Variants in TLK1 observed in about 807,000 individuals in gnomAD.
The protein encoded by TLK1 is serine/threonine-protein kinase tousled-like 1.
A neutral mutation model predicts 105.3 loss-of-function variants in TLK1; 24 were observed. The observed-to-expected ratio is 0.23, with a 90% CI of 0.17 to 0.32. TLK1 has a LOEUF of 0.32. TLK1 is among the 10% of genes least tolerant of loss of function. TLK1 has a pLI of 1.00. For missense variants in TLK1, 558 were observed against 910.5 expected (o/e 0.61, Z 4.98); for synonymous variants, 321 against 310.4 (o/e 1.03, Z -0.36).
rs898293015 is a variant in TLK1, at chr2:171,081,801, C to T, written c.330+980G>A. The T allele has an allele frequency of 5.2e-5, 40 of 771,084 alleles. 1 individual carries two copies. The South Asian group carries it at 5.7e-4, about 11-fold the overall frequency. 47.8% of individuals were successfully genotyped at this position (771,084 alleles called of 1,614,324 possible). A position where few individuals can be genotyped will look rare whatever the true frequency, so the allele number is the denominator to read the frequency against. On this transcript the variant is annotated intron_variant, in intron 3 of 20. Transcript: ENST00000431350. ...CACAGAACTGCACGAAACTGTCTAC[C>T]TAGAGATTTCTAGATGCTTTCAATA...
At chr2:171,039,818 G>A (rs951131584) in intron 11 of TLK1, among the ~76,000 whole-genome samples, 3 of 152,038 alleles carry the variant, frequency 2.0e-5, no homozygotes, top group African/African-American at 7.3e-5. Flanking sequence ...TATCCAAAGA[G>A]GGCAAAATAA....
chr2:171,217,013 T>A (rs1693725924), intron 1 of TLK1, among the ~76,000 whole-genome samples: 1 of 152,214 alleles, frequency 6.6e-6, no homozygotes, highest in African/African-American at 2.4e-5. Flanking sequence ...TAGCACTTTT[T>A]TACGGCAGCC....
chr2:171,136,247 C>A (rs922741495), intron 1 of TLK1, among the ~76,000 whole-genome samples: 3 of 152,146 alleles, frequency 2.0e-5, no homozygotes, highest in Non-Finnish European at 4.4e-5. Flanking sequence ...GATTCCAGTT[C>A]TGTGAGGTAT....
At chr2:171,079,765 T>C (rs1463389669) in intron 3 of TLK1, among the ~76,000 whole-genome samples, 9 of 152,094 alleles carry the variant, frequency 5.9e-5, no homozygotes, top group Non-Finnish European at 1.0e-4. Context: ...ACAATGACAA[T>C]TGGATGCTTT....
intron 1 of TLK1, among the ~76,000 whole-genome samples, chr2:171,204,564 A>G (rs1353314720): frequency 6.6e-6 from 1 of 152,192 alleles, no homozygotes; most frequent in Non-Finnish European, 1.5e-5. Flanking sequence ...TCCAAAAAAA[A>G]AAAAAAGGTA....
At position 171,055,064 on chromosome 2, in the gene TLK1, C is replaced by T; in HGVS notation, c.639+19G>A. On this transcript the variant is annotated intron_variant, in intron 7 of 20. Transcript: ENST00000431350. ...GTTTCTTAGAAGCCATAGAAAAAAACATTTTAATTATCATTTACCTGAATA... is the reference window on the plus strand; with the variant it reads ...GTTTCTTAGAAGCCATAGAAAAAAATATTTTAATTATCATTTACCTGAATA... The T allele has an allele frequency of 7.2e-7, 1 of 1,396,340 alleles. No homozygotes were observed. Among genetic ancestry groups the T allele is most frequent in the Non-Finnish European group, 9.5e-7 (1 of 1,055,736 alleles). 86.5% of individuals were successfully genotyped at this position (1,396,340 alleles called of 1,614,324 possible).
chr2:171,035,795 T>TG (rs763777441), intron 11 of TLK1, among the ~76,000 whole-genome samples: 22 of 152,268 alleles, frequency 1.4e-4, no homozygotes, highest in Non-Finnish European at 2.6e-4. Context: ...GACACTTGAC[T>TG]GGCCGCTGCT....
intron 1 of TLK1, among the ~76,000 whole-genome samples, chr2:171,225,390 C>T (rs1021009477): frequency 1.3e-5 from 2 of 152,140 alleles, no homozygotes; most frequent in African/African-American, 4.8e-5. Flanking sequence ...TGCCTAACAT[C>T]ATTAGTCATC....
intron 1 of TLK1, among the ~76,000 whole-genome samples, chr2:171,210,404 C>T (rs1693591819): frequency 6.6e-6 from 1 of 152,068 alleles, no homozygotes; most frequent in Non-Finnish European, 1.5e-5. Context: ...GCACATACCA[C>T]CACACCCAGC....
intron 2 of TLK1, among the ~76,000 whole-genome samples, chr2:171,105,174 C>T (rs906826574): frequency 5.3e-5 from 8 of 152,166 alleles, no homozygotes; most frequent in Non-Finnish European, 1.2e-4. Flanking sequence ...AACTAAAAAG[C>T]TTCTTCACAG....
At chr2:171,212,602 G>T (rs1558992897) in intron 1 of TLK1, among the ~76,000 whole-genome samples, 1 of 152,138 alleles carries the variant, frequency 6.6e-6, no homozygotes, top group Non-Finnish European at 1.5e-5. Flanking sequence ...AACTGGTTGT[G>T]TGACTTCGGA....
intron 12 of TLK1, among the ~76,000 whole-genome samples, chr2:171,023,509 A>C (rs761836665): frequency 2.0e-5 from 3 of 152,110 alleles, no homozygotes; most frequent in Non-Finnish European, 4.4e-5. Context: ...CACACTTTCT[A>C]AACACATTCT....
chr2:171,128,380 T>TA (rs1690956837), intron 1 of TLK1, among the ~76,000 whole-genome samples: 1 of 152,294 alleles, frequency 6.6e-6, no homozygotes, highest in South Asian at 2.1e-4. Flanking sequence ...TTAGCTTCCT[T>TA]ATATAGAAAA....
intron 18 of TLK1, among the ~76,000 whole-genome samples, chr2:171,003,273 CAAAAAAAAA>C (rs777049271): frequency 1.6e-4 from 11 of 68,508 alleles, no homozygotes; most frequent in African/African-American, 4.9e-4. Context: ...GACTCCGTCT[CAAAAAAAAA>C]AAAAAAAAAA....
At chr2:171,146,219 G>A (rs534659976) in intron 1 of TLK1, among the ~76,000 whole-genome samples, 1 of 152,228 alleles carries the variant, frequency 6.6e-6, no homozygotes, top group South Asian at 2.1e-4. Flanking sequence ...AGCTATTTAG[G>A]AGGCAGAGGT....
chr2:171,140,792 A>G (rs1036878734), intron 1 of TLK1, among the ~76,000 whole-genome samples: 4 of 152,236 alleles, frequency 2.6e-5, no homozygotes, highest in African/African-American at 9.6e-5. Context: ...TAACGCAAAT[A>G]AAATGCAAAT....
chr2:171,034,430 C>T lies in TLK1; in HGVS notation c.1170-6025G>A, dbSNP rs776908596. Among the ~76,000 whole-genome samples, 82 of 152,146 alleles carry T rather than the reference C, an allele frequency of 5.4e-4. 1 individual carries two copies. The highest frequency in any genetic ancestry group is 6.5e-4 in the Non-Finnish European group (44 of 68,004). On this transcript the variant is annotated intron_variant, in intron 11 of 20. Coordinates refer to ENST00000431350, the MANE Select transcript of TLK1 (RefSeq NM_012290.5). ...CCATAAAAAGAATGAAGTACTGATA[C>T]ATGCTACAACATGAATATATTTTGA... is the stretch of plus-strand genomic sequence containing the variant.
intron 1 of TLK1, among the ~76,000 whole-genome samples, chr2:171,180,678 A>G (rs573136257): frequency 2.6e-5 from 4 of 152,302 alleles, no homozygotes; most frequent in African/African-American, 7.2e-5. Flanking sequence ...TCAGTAGTCC[A>G]GGAGGTTTTT....
chr2:171,196,037 C>CAAAAA (rs71013021), intron 1 of TLK1, among the ~76,000 whole-genome samples: 4,246 of 111,820 alleles, frequency 0.038, 175 homozygotes, highest in African/African-American at 0.092. Context: ...GACTCTGTAT[C>CAAAAA]AAAAAAAAAA....
Sources: allele counts gnomAD v4.1 joint callset (sites outside exome capture counted in the v4.1 genomes callset), GRCh38; gene constraint gnomAD v4.1.1; transcripts MANE v1.5; gene names NCBI Gene and HGNC (gene_info 2026-07-23, HGNC 2026-07-21).